FABP6: variants seen among roughly 807,000 people sequenced by gnomAD.
The protein encoded by FABP6 is fatty acid binding protein 6, also known as gastrotropin.
FABP6 carries 13 observed loss-of-function variants against 14.9 expected under a neutral mutation model. That is an observed-to-expected ratio of 0.87 (90% CI 0.57 to 1.39). The LOEUF is 1.39. Among genes scored for constraint, FABP6 ranks in the 40% most tolerant of loss-of-function variants. The pLI, the probability that FABP6 is intolerant of heterozygous loss-of-function variation, is 0.00. For synonymous variants in FABP6, 75 were observed against 63.6 expected (o/e 1.18, Z -0.85); for missense variants, 161 against 167.2 (o/e 0.96, Z 0.20).
At chr5:160,189,427 G>C (rs1346873436) in intron 1 of FABP6, among the ~76,000 whole-genome samples, 2 of 152,102 alleles carry the variant, frequency 1.3e-5, no homozygotes, top group Non-Finnish European at 2.9e-5. Context: ...ATTTTTAGTA[G>C]AGATGGGGTT....
At chr5:160,224,019 G>A (rs752097534) in intron 3 of FABP6, among the ~76,000 whole-genome samples, 1 of 151,650 alleles carries the variant, frequency 6.6e-6, no homozygotes, top group Non-Finnish European at 1.5e-5. Context: ...GGCAGATCAC[G>A]AGGTCAGAAG....
chr5:160,223,584 G>A (rs904386855), intron 3 of FABP6, among the ~76,000 whole-genome samples: 1 of 151,472 alleles, frequency 6.6e-6, no homozygotes, highest in East Asian at 2.0e-4. Context: ...ACCACACTTG[G>A]CTAATTTAAA....
intron 2 of FABP6, among the ~76,000 whole-genome samples, chr5:160,199,447 A>AGCCCCCTG (rs1488790530): frequency 6.6e-6 from 1 of 152,070 alleles, no homozygotes; most frequent in African/African-American, 2.4e-5. Flanking sequence ...GGACCGGGGC[A>AGCCCCCTG]GCCCCCTGGC....
chr5:160,193,870 C>T (rs544615696), intron 1 of FABP6, among the ~76,000 whole-genome samples: 31 of 152,378 alleles, frequency 2.0e-4, no homozygotes, highest in Admixed American at 1.9e-3. Context: ...GGTGGAGCTG[C>T]CTGCCAGTCA....
chr5:160,227,189 G>A, upstream of FABP6, among the ~76,000 whole-genome samples: 1 of 152,104 alleles, frequency 6.6e-6, no homozygotes, highest in Non-Finnish European at 1.5e-5. Flanking sequence ...TAAACAGGAG[G>A]TAACAGAGCA....
intron 3 of FABP6, among the ~76,000 whole-genome samples, chr5:160,223,936 CAAA>C (rs533709503): frequency 7.6e-4 from 102 of 134,410 alleles, no homozygotes; most frequent in Admixed American, 1.7e-3. Flanking sequence ...CCCATCTCTA[CAAA>C]AAAAAAAAAA....
upstream of FABP6, among the ~76,000 whole-genome samples, chr5:160,225,919 A>G (rs1760234837): frequency 6.6e-6 from 1 of 152,062 alleles, no homozygotes; most frequent in African/African-American, 2.4e-5. Flanking sequence ...CACACCTGTA[A>G]TACCCGCATT....
At chr5:160,205,273 G>C (rs545377871) in intron 2 of FABP6, among the ~76,000 whole-genome samples, 86 of 126,818 alleles carry the variant, frequency 6.8e-4, no homozygotes, top group Admixed American at 5.0e-4. Context: ...AGCCGAGATC[G>C]CACCACTGCA....
At chr5:160,203,039 T>C (rs1400439095) in intron 2 of FABP6, among the ~76,000 whole-genome samples, 1 of 151,780 alleles carries the variant, frequency 6.6e-6, no homozygotes, top group Non-Finnish European at 1.5e-5. Flanking sequence ...GTAGCTGAGA[T>C]TATAGGCATG....
chr5:160,208,008 G>A (rs896087071), intron 2 of FABP6, among the ~76,000 whole-genome samples: 3 of 152,092 alleles, frequency 2.0e-5, no homozygotes, highest in Non-Finnish European at 4.4e-5. Context: ...ACAGGAGTGA[G>A]CTACCGTGCC....
At chr5:160,209,379 C>T (rs565903572) in intron 2 of FABP6, among the ~76,000 whole-genome samples, 5 of 152,126 alleles carry the variant, frequency 3.3e-5, no homozygotes, top group South Asian at 2.1e-4. Context: ...AAAAATTAGT[C>T]GGGTGTGGTG....
At chr5:160,234,768 A>G in intron 2 of FABP6, 52 bp from the exon 3 acceptor site, 1 of 1,460,950 alleles carries the variant, frequency 6.8e-7, no homozygotes, top group Non-Finnish European at 9.4e-7. Flanking sequence ...AGCCCCAGAT[A>G]GTTGCCAATC....
At chr5:160,227,774 G>C (rs1041963381), upstream of FABP6, among the ~76,000 whole-genome samples, 19 of 150,790 alleles carry the variant, frequency 1.3e-4, no homozygotes, top group African/African-American at 4.4e-4. Context: ...CACTTGCTCT[G>C]AATTATTTGA....
At chr5:160,198,856 T>C in intron 1 of FABP6, 1 of 538,248 alleles carries the variant, frequency 1.9e-6, no homozygotes, top group Non-Finnish European at 3.3e-6. Context: ...CCTGTTGTTC[T>C]TTACAGCACT....
chr5:160,226,448 C>A (rs1227992423), upstream of FABP6, among the ~76,000 whole-genome samples: 2 of 151,104 alleles, frequency 1.3e-5, no homozygotes, highest in African/African-American at 4.9e-5. Flanking sequence ...GTAATCCCAG[C>A]TACTCAGGAG....
chr5:160,207,983 C>CA, intron 2 of FABP6, among the ~76,000 whole-genome samples: 1 of 152,140 alleles, frequency 6.6e-6, no homozygotes, highest in African/African-American at 2.4e-5. Flanking sequence ...CTTGGCCTCT[C>CA]AAAGTGCTGG....
chr5:160,199,008 C>A, intron 1 of FABP6: 1 of 1,238,238 alleles, frequency 8.1e-7, no homozygotes, highest in Non-Finnish European at 1.2e-6. Context: ...AGATGGTCTC[C>A]AGAGCCCCTC....
intron 3 of FABP6, chr5:160,213,876 A>AG (rs1371675616): frequency 7.1e-7 from 1 of 1,399,824 alleles, no homozygotes; most frequent in African/African-American, 1.4e-5. Context: ...TTCTGGTTCT[A>AG]GTTCCTCATG....
chr5:160,204,499 G>T (rs564556789), intron 2 of FABP6, among the ~76,000 whole-genome samples: 13 of 151,602 alleles, frequency 8.6e-5, no homozygotes, highest in Non-Finnish European at 1.3e-4. Flanking sequence ...CCTTTTTTAG[G>T]GGGGGTGGGG....
Sources: allele counts gnomAD v4.1 joint callset (sites outside exome capture counted in the v4.1 genomes callset), GRCh38; gene constraint gnomAD v4.1.1; transcripts MANE v1.5; gene names NCBI Gene and HGNC (gene_info 2026-07-23, HGNC 2026-07-21).